The following KRT71 variants were observed in gnomAD, a reference collection of about 807,000 sequenced individuals.
KRT71 encodes the protein keratin 71, also known as keratin, type II cytoskeletal 71.
A neutral mutation model predicts 46.2 loss-of-function variants in KRT71; 42 were observed. The ratio of observed to expected loss-of-function variants is 0.91; its 90% confidence interval spans 0.71 to 1.18. The LOEUF is 1.18. KRT71 is among the 50% of genes most tolerant of loss of function. KRT71 has a pLI of 0.00. For synonymous variants in KRT71, 292 were observed against 277.8 expected (o/e 1.05, Z -0.51); for missense variants, 708 against 677.9 (o/e 1.04, Z -0.49).
intron 1 of KRT71, among the ~76,000 whole-genome samples, chr12:52,551,479 T>C (rs1254906447): frequency 6.6e-6 from 1 of 152,146 alleles, no homozygotes; most frequent in Non-Finnish European, 1.5e-5. Flanking sequence ...TGAAAAGGCT[T>C]AGAAGAATAA....
chr12:52,547,395 T>C (rs1158848588), intron 6 of KRT71, among the ~76,000 whole-genome samples: 1 of 152,198 alleles, frequency 6.6e-6, no homozygotes, highest in African/African-American at 2.4e-5. Context: ...TGCACCTTAA[T>C]GGGTGCTCCC....
chr12:52,544,811 C>T, intron 8 of KRT71, 68 bp from the exon 9 acceptor site: 2 of 1,364,218 alleles, frequency 1.5e-6, no homozygotes, highest in South Asian at 2.4e-5. Flanking sequence ...TTCCCCAGGG[C>T]AGACAGGGCT....
Position 52,544,551 on chromosome 12 carries a change from G to A in KRT71, c.1553C>T (p.Ser518Phe). ...TCTTCTCTACCGACTGGTTTTCTTG[G>A]AGGGTGCACTCAGGCTGGAACCCTT... The part of the protein sequence containing the change: ...LGKGSSLSAP[S>F]KKTSR The change falls in exon 9 of 9, where the codon TCC becomes TTC. Residue 518 changes from serine to phenylalanine, a missense_variant. Transcript: ENST00000267119. 1 of 1,614,086 alleles carries A rather than the reference G, an allele frequency of 6.2e-7. No homozygotes were observed. The highest frequency in any genetic ancestry group is 8.5e-7 in the Non-Finnish European group (1 of 1,179,980).
intron 7 of KRT71, among the ~76,000 whole-genome samples, chr12:52,545,809 CAAT>C (rs1227688097): frequency 1.3e-5 from 2 of 152,102 alleles, no homozygotes; most frequent in Non-Finnish European, 2.9e-5. Flanking sequence ...CCTAGTCAAA[CAAT>C]AGTTTACAAA....
Position 52,548,763 on chromosome 12 carries a change from G to C in KRT71, c.751C>G (p.Leu251Val). 1.2e-6 allele frequency: 2 copies of C among 1,614,234 alleles called. No homozygotes were observed. The highest frequency in any genetic ancestry group is 1.3e-5 in the African/African-American group (1 of 75,050). The change falls in exon 4 of 9, where the codon CTG becomes GTG. Residue 251 changes from leucine (L) to valine (V), a missense_variant. Transcript: ENST00000267119. ...VDAAYANKVELQAKVESMDQE... is the reference protein window; with the variant it reads ...VDAAYANKVEVQAKVESMDQE... ...TCCATGGATTCCACCTTGGCCTGCA[G>C]TTCCACCTTATTGGCGTAAGCAGCA...
In KRT71 at chr12:52,547,827, G is replaced by C. The variant is rs752544515; in HGVS notation, c.1104+30C>G. On this transcript the variant is annotated intron_variant, in intron 6 of 8. Coordinates refer to ENST00000267119, the MANE Select transcript of KRT71 (RefSeq NM_033448.3). ...CCTCTACTCATGCTCCCCTGCACTT[G>C]ACCACAGGCCAAGGCCAACGTGCTC... 4 of 1,611,530 alleles carry C rather than the reference G, an allele frequency of 2.5e-6. No individual in the cohort carries two copies. The East Asian group carries it at 6.7e-5, about 27-fold the overall frequency.
At position 52,546,419 on chromosome 12, in the gene KRT71, C is replaced by A. The variant is rs144582265; in HGVS notation, c.1192G>T (p.Glu398Ter). 1.4e-5 allele frequency: 23 copies of A among 1,614,090 alleles called. No homozygotes were observed. In the African/African-American group the frequency reaches 2.5e-4, roughly 18 times the overall value. ...KDARAKLDEL[E>*]GALHQAKEEL... ...TCCTTGGCCTGGTGCAGGGCGCCCT[C>A]CAGCTCGTCCAGCTTGGCCCGGGCA... is the stretch of plus-strand genomic sequence containing the variant. The change falls in exon 7 of 9, where the codon GAG becomes TAG. Residue 398 changes from glutamate (E) to a stop codon, truncating the protein, a stop_gained. Transcript: ENST00000267119. LOFTEE classifies it high-confidence loss of function.
At position 52,544,628 on chromosome 12, in the gene KRT71, G is replaced by A. The variant is rs375990023; in HGVS notation, c.1476C>T (p.Gly492=). Residue 492 remains glycine, a synonymous_variant, in exon 9 of 9, where the codon GGC becomes GGT. Coordinates refer to ENST00000267119, the MANE Select transcript of KRT71 (RefSeq NM_033448.3). ...NCISGVCSVR[G]GEGRSRGSAN... ...CACTGCCCCGGCTCCTGCCCTCCCC[G>A]CCTCTCACGCTGCACACTCCAGAGA... 2.7e-5 allele frequency: 43 copies of A among 1,613,858 alleles called. No homozygotes were observed. The highest frequency in any genetic ancestry group is 3.3e-5 in the Non-Finnish European group (39 of 1,180,018).
intron 8 of KRT71, 86 bp from the exon 9 acceptor site, chr12:52,544,829 G>A: frequency 8.5e-7 from 1 of 1,179,412 alleles, no homozygotes; most frequent in Non-Finnish European, 1.2e-6. Flanking sequence ...GCTTTTCTTG[G>A]AGAAGCTGAG....
chr12:52,549,680 C>G (rs1254025250), intron 2 of KRT71, among the ~76,000 whole-genome samples: 1 of 152,246 alleles, frequency 6.6e-6, no homozygotes, highest in Admixed American at 6.5e-5. Context: ...GCGCTCCAAT[C>G]TGCATTTCCT....
chr12:52,549,896 G>C, intron 2 of KRT71, 133 bp downstream of exon 2: 1 of 1,009,514 alleles, frequency 9.9e-7, no homozygotes, highest in Non-Finnish European at 1.5e-6. Flanking sequence ...TTTTGTTGGG[G>C]TGATTCTGCT....
chr12:52,545,640 A>T, intron 7 of KRT71, 41 bp from the exon 8 acceptor site: 1 of 1,300,438 alleles, frequency 7.7e-7, no homozygotes, highest in Non-Finnish European at 1.1e-6. Flanking sequence ...AAGAGAAGTC[A>T]TCCAGCTCAG....
At position 52,550,061 on chromosome 12, in the gene KRT71, A is replaced by G; in HGVS notation, c.624T>C (p.Asn208=). The stretch of plus-strand genomic sequence containing the variant: ...TGTAGTCCTCCACTACGTCCCGCAC[A>G]TTCCTCAGCTCCGAGTCCAGCCTCA... ...DRVRLDSELR[N]VRDVVEDYKK... The change falls in exon 2 of 9, where the codon AAT becomes AAC. Residue 208 remains asparagine (N), a synonymous_variant. Transcript: ENST00000267119. The G allele has an allele frequency of 6.2e-7, 1 of 1,614,072 alleles. No homozygotes were observed. Among genetic ancestry groups the G allele is most frequent in the Non-Finnish European group, 8.5e-7 (1 of 1,179,982 alleles).
In KRT71 at chr12:52,552,903, C is replaced by G. The variant is rs910941780; in HGVS notation, c.175G>C (p.Val59Leu). 36 of 1,614,098 alleles carry G rather than the reference C, an allele frequency of 2.2e-5. No homozygotes were observed. Among genetic ancestry groups the G allele is most frequent in the Non-Finnish European group, 3.1e-5 (36 of 1,180,054 alleles). ...CCACTCTTCCCGCTGCCACTGGCCA[C>G]ATTGAGGCTCCGGACACCCCCCAGG... ...YSLGGVRSLN[V>L]ASGSGKSGGY... Residue 59 changes from valine (V) to leucine (L), a missense_variant, in exon 1 of 9, where the codon GTG becomes CTG. Physicochemically the swap from Val to Leu is conservative, Grantham distance 32 (BLOSUM62 1). Transcript: ENST00000267119.
chr12:52,548,161 G>A lies in KRT71; in HGVS notation c.969C>T (p.Tyr323=). The A allele has an allele frequency of 6.2e-7, 1 of 1,613,342 alleles. No homozygotes were observed. The highest frequency in any genetic ancestry group is 8.5e-7 in the Non-Finnish European group (1 of 1,179,522). ...LKSKAEAEAL[Y]QTKFQELQLA... is the part of the protein sequence containing the mutation. ...CCTCAGCCCAGCTCACCTTGGTCTGGTACAGGGCCTCAGCCTCGGCCTTAC... is the reference window on the plus strand; with the variant it reads ...CCTCAGCCCAGCTCACCTTGGTCTGATACAGGGCCTCAGCCTCGGCCTTAC... Residue 323 remains tyrosine, a synonymous_variant, in exon 5 of 9, where the codon TAC becomes TAT. Coordinates refer to ENST00000267119, the MANE Select transcript of KRT71 (RefSeq NM_033448.3).
Position 52,546,498 on chromosome 12 carries a change from G to T in KRT71, c.1113C>A (p.Asn371Lys). Reference protein sequence around the residue: ...EIENVKKQASNLETAIADAEQ... With the variant: ...EIENVKKQASKLETAIADAEQ... Reference sequence around the variant, plus strand: ...CAGCATCAGCGATGGCTGTCTCCAGGTTGGAAGCCTAAGGAAGGAATTGGT... The same window carrying T: ...CAGCATCAGCGATGGCTGTCTCCAGTTTGGAAGCCTAAGGAAGGAATTGGT... Residue 371 changes from asparagine (N) to lysine (K), a missense_variant, in exon 7 of 9, where the codon AAC (asparagine) becomes AAA (lysine). Coordinates refer to ENST00000267119, the MANE Select transcript of KRT71 (RefSeq NM_033448.3). 11 of 1,613,826 alleles carry T rather than the reference G, an allele frequency of 6.8e-6. No homozygotes were observed. Among genetic ancestry groups the T allele is most frequent in the Non-Finnish European group, 8.5e-6 (10 of 1,179,890 alleles).
intron 8 of KRT71, among the ~76,000 whole-genome samples, chr12:52,545,336 C>A (rs1939040453): frequency 6.6e-6 from 1 of 152,168 alleles, no homozygotes; most frequent in Admixed American, 6.5e-5. Context: ...CTTTCCATTG[C>A]TGCCATCCCC....
At position 52,544,423 on chromosome 12, in the gene KRT71, G is replaced by A. The variant is rs1452283225; in HGVS notation, c.*109C>T. The A allele has an allele frequency of 1.4e-5, 14 of 1,034,378 alleles. No individual in the cohort carries two copies. In the East Asian group the frequency reaches 2.9e-4, roughly 21 times the overall value. 64.1% of individuals were successfully genotyped at this position (1,034,378 alleles called of 1,614,324 possible). A position where few individuals can be genotyped will look rare whatever the true frequency, so the allele number is the denominator to read the frequency against. On this transcript the variant is annotated 3_prime_UTR_variant, in exon 9 of 9. Transcript: ENST00000267119. ...TGGCCAAGGCCAGTGCCAGGTGTAT[G>A]GGAGCAGGACCAGCAGGGTGGAGAT...
chr12:52,548,902 T>C, intron 3 of KRT71, 106 bp from the exon 4 acceptor site: 1 of 991,138 alleles, frequency 1.0e-6, no homozygotes, highest in South Asian at 1.4e-5. Context: ...TCTCTTCTCT[T>C]CACTTTGCCT....
Sources: gnomAD v4.1 joint callset for allele counts (sites outside exome capture counted in the v4.1 genomes callset) on GRCh38, gnomAD v4.1.1 for gene constraint, MANE v1.5 for transcripts, NCBI Gene and HGNC (gene_info 2026-07-23, HGNC 2026-07-21) for gene names.